Variants in TBC1D22A observed in about 807,000 individuals in gnomAD.
The protein encoded by TBC1D22A is putative GTPase activator.
In TBC1D22A, 38 loss-of-function variants were observed where a neutral mutation model predicts 60.2. The ratio of observed to expected loss-of-function variants is 0.63; its 90% CI spans 0.49 to 0.83. The LOEUF (loss-of-function observed/expected upper bound fraction) is 0.83, where lower values mean the gene tolerates loss of function less well. Ranked by LOEUF, TBC1D22A falls within the 40% of genes least tolerant of loss-of-function variation. The pLI, the probability that TBC1D22A is intolerant of heterozygous loss-of-function variation, is 0.00. For missense variants in TBC1D22A, 628 were observed against 701.0 expected (o/e 0.90, Z 1.18); for synonymous variants, 302 against 281.7 (o/e 1.07, Z -0.72).
intron 11 of TBC1D22A, among the ~76,000 whole-genome samples, chr22:47,091,164 G>C (rs1252792507): frequency 7.5e-6 from 1 of 133,004 alleles, no homozygotes; most frequent in East Asian, 2.5e-4. Context: ...AGACGGGCAC[G>C]AGAAGTTGGT....
intron 8 of TBC1D22A, among the ~76,000 whole-genome samples, chr22:46,968,367 G>T (rs895286656): frequency 6.6e-6 from 1 of 152,236 alleles, no homozygotes; most frequent in African/African-American, 2.4e-5. Flanking sequence ...CCTGCGCAGC[G>T]TGGCATGGAC....
At chr22:46,783,525 C>T (rs2084032285) in intron 1 of TBC1D22A, among the ~76,000 whole-genome samples, 1 of 152,236 alleles carries the variant, frequency 6.6e-6, no homozygotes, top group Admixed American at 6.5e-5. Context: ...GGGTCTTTGC[C>T]TGAACTCAGC....
intron 8 of TBC1D22A, among the ~76,000 whole-genome samples, chr22:46,970,314 T>C (rs955967163): frequency 1.3e-5 from 2 of 152,060 alleles, no homozygotes; most frequent in African/African-American, 2.4e-5. Flanking sequence ...CTGTCTCTGC[T>C]TTCACCTGTG....
chr22:46,803,036 T>C (rs2084964217), intron 4 of TBC1D22A, among the ~76,000 whole-genome samples: 1 of 152,050 alleles, frequency 6.6e-6, no homozygotes, highest in African/African-American at 2.4e-5. Context: ...CAAAATCTCC[T>C]CCTCATGAAA....
intron 8 of TBC1D22A, among the ~76,000 whole-genome samples, chr22:46,973,426 A>G (rs2074158504): frequency 6.6e-6 from 1 of 152,254 alleles, no homozygotes; most frequent in Non-Finnish European, 1.5e-5. Flanking sequence ...GACCCCGGTC[A>G]ACACCAGCGG....
At chr22:46,821,870 C>T (rs963756551) in intron 4 of TBC1D22A, among the ~76,000 whole-genome samples, 1 of 152,124 alleles carries the variant, frequency 6.6e-6, no homozygotes, top group Admixed American at 6.6e-5. Context: ...CCTTCTGGTA[C>T]TCCAGGCAAT....
intron 11 of TBC1D22A, among the ~76,000 whole-genome samples, chr22:47,087,086 G>A (rs1037046228): frequency 5.3e-5 from 8 of 152,372 alleles, no homozygotes; most frequent in Admixed American, 5.2e-4. Flanking sequence ...GGAGGTGCAA[G>A]GTGCAGAACT....
intron 11 of TBC1D22A, among the ~76,000 whole-genome samples, chr22:47,094,129 G>C (rs1339706645): frequency 1.3e-5 from 2 of 152,192 alleles, no homozygotes; most frequent in African/African-American, 4.8e-5. Context: ...TACTTTTTGA[G>C]AGGCTGGTAT....
At chr22:46,912,319 T>C (rs749613020) in intron 8 of TBC1D22A, 131 bp downstream of exon 8, 16 of 614,172 alleles carry the variant, frequency 2.6e-5, no homozygotes, top group Non-Finnish European at 3.5e-5. Flanking sequence ...TAGAGAATAA[T>C]AGTTTTCTCA....
intron 10 of TBC1D22A, among the ~76,000 whole-genome samples, chr22:47,006,856 A>C (rs553908555): frequency 1.3e-5 from 2 of 152,142 alleles, no homozygotes; most frequent in East Asian, 3.9e-4. Flanking sequence ...TTTGTGCCCA[A>C]CCACACCAGT....
Position 46,820,593 on chromosome 22 carries a change from A to G in TBC1D22A, c.637+22973A>G, listed in dbSNP as rs190026263. Among the ~76,000 whole-genome samples the G allele has an allele frequency of 5.9e-5, 9 of 152,346 alleles. No homozygotes were observed. The East Asian group carries it at 1.7e-3, about 29-fold the overall frequency. ...TCTAATTTGATTGCACTGTGGTCTGAGAGACTGCTATGATTTCAGTTCTTT... is the reference window on the plus strand; with the variant it reads ...TCTAATTTGATTGCACTGTGGTCTGGGAGACTGCTATGATTTCAGTTCTTT... On this transcript the variant is annotated intron_variant, in intron 4 of 12. Transcript: ENST00000337137.
At position 46,981,055 on chromosome 22, in the gene TBC1D22A, T is replaced by C. The variant is rs2074494101; in HGVS notation, c.1125+6656T>C. Among the ~76,000 whole-genome samples, 3 of 150,236 alleles carry C rather than the reference T, an allele frequency of 2.0e-5. No homozygotes were observed. The South Asian group carries it at 6.3e-4, about 32-fold the overall frequency. The stretch of plus-strand genomic sequence containing the variant: ...GAAGAATATTAACCAAAGTAATAGT[T>C]AGGTAGCTCTGTAGCCCATATGTAG... On this transcript the variant is annotated intron_variant, in intron 9 of 12. Transcript: ENST00000337137.
chr22:46,862,577 G>A (rs1602206813), intron 4 of TBC1D22A, among the ~76,000 whole-genome samples: 1 of 152,224 alleles, frequency 6.6e-6, no homozygotes, highest in South Asian at 2.1e-4. Context: ...GTTCAGCCCC[G>A]GGAGCCAGCC....
intron 4 of TBC1D22A, among the ~76,000 whole-genome samples, chr22:46,841,088 GAGAA>G (rs2086748513): frequency 6.6e-6 from 1 of 151,950 alleles, no homozygotes; most frequent in South Asian, 2.1e-4. Flanking sequence ...GAGAGAGAGA[GAGAA>G]AGAGAGAGAG....
rs373661860 is a variant in TBC1D22A at position 46,791,664 on chromosome 22, G to C, written c.63-856G>C. ...GAGCAAAGGCTTCTGGGTAGAGGTTGATGAGTCAACCAACAGTGTCTGCCA... is the reference window on the plus strand; with the variant it reads ...GAGCAAAGGCTTCTGGGTAGAGGTTCATGAGTCAACCAACAGTGTCTGCCA... On this transcript the variant is annotated intron_variant, in intron 1 of 12. Transcript: ENST00000337137. Among the ~76,000 whole-genome samples, 5 of 152,148 alleles carry C rather than the reference G, an allele frequency of 3.3e-5. No homozygotes were observed. The East Asian group carries it at 7.7e-4, about 24-fold the overall frequency.
chr22:47,132,162 C>G (rs2066700822), intron 12 of TBC1D22A, among the ~76,000 whole-genome samples: 1 of 152,132 alleles, frequency 6.6e-6, no homozygotes. Flanking sequence ...CCTTTAGGAC[C>G]CCACCTTTAG....
intron 9 of TBC1D22A, among the ~76,000 whole-genome samples, chr22:46,983,128 A>G (rs1222065116): frequency 6.6e-6 from 1 of 152,232 alleles, no homozygotes; most frequent in African/African-American, 2.4e-5. Context: ...AGGTTGTGAG[A>G]CAAGTCCTGT....
At chr22:46,783,993 A>G (rs995786642) in intron 1 of TBC1D22A, among the ~76,000 whole-genome samples, 15 of 152,238 alleles carry the variant, frequency 9.9e-5, no homozygotes, top group African/African-American at 3.6e-4. Flanking sequence ...AATAAAAAAC[A>G]GTAGATTACT....
chr22:46,987,009 T>A (rs1394325227), intron 9 of TBC1D22A, among the ~76,000 whole-genome samples: 1 of 152,178 alleles, frequency 6.6e-6, no homozygotes, highest in Non-Finnish European at 1.5e-5. Context: ...ACTCCTGGCC[T>A]CTCCACGCGC....
Sources: allele counts gnomAD v4.1 joint callset (sites outside exome capture counted in the v4.1 genomes callset), GRCh38; gene constraint gnomAD v4.1.1; transcripts MANE v1.5; gene names NCBI Gene and HGNC (gene_info 2026-07-23, HGNC 2026-07-21).